DIAPH2: variants seen among roughly 807,000 people sequenced by gnomAD.
DIAPH2 encodes diaphanous related formin 2, also known as protein diaphanous homolog 2.
DIAPH2 carries 35 observed loss-of-function variants against 92.7 expected under a neutral mutation model. The ratio of observed to expected loss-of-function variants is 0.38; its 90% CI spans 0.29 to 0.50. The LOEUF is 0.50. Ranked by LOEUF, DIAPH2 falls within the 20% of genes least tolerant of loss-of-function variation. The pLI is 0.94. For synonymous variants in DIAPH2, 301 were observed against 280.4 expected (o/e 1.07, Z -0.73); for missense variants, 701 against 819.5 (o/e 0.86, Z 1.77).
chrX:96,963,176 T>C (rs2065875656), intron 16 of DIAPH2, among the ~76,000 whole-genome samples: 2 of 111,771 alleles, frequency 1.8e-5, no homozygotes, highest in Non-Finnish European at 3.8e-5. Context: ...CATTCTCTCT[T>C]GGCCTGTAGC....
chrX:97,434,564 G>A (rs1011357042), intron 26 of DIAPH2, among the ~76,000 whole-genome samples: 8 of 94,596 alleles, frequency 8.5e-5, no homozygotes, highest in East Asian at 3.8e-4. Flanking sequence ...ACACGCCACC[G>A]CACCCAGCTA....
chrX:97,263,882 C>G (rs1191262348), intron 23 of DIAPH2, among the ~76,000 whole-genome samples: 1 of 101,745 alleles, frequency 9.8e-6, no homozygotes, highest in Non-Finnish European at 2.1e-5. Context: ...CCACTGCGCC[C>G]AGCTCCAACT....
At chrX:96,889,949 A>G (rs375027783) in intron 5 of DIAPH2, among the ~76,000 whole-genome samples, 1 of 112,372 alleles carries the variant, frequency 8.9e-6, no homozygotes. Flanking sequence ...TGACCATTCA[A>G]AGGACTTTGG....
intron 26 of DIAPH2, among the ~76,000 whole-genome samples, chrX:97,574,946 G>A (rs897430744): frequency 8.9e-6 from 1 of 112,190 alleles, no homozygotes; most frequent in Non-Finnish European, 1.9e-5. Flanking sequence ...CATAAGGCCT[G>A]CACTAGAGCA....
At chrX:97,246,078 T>C (rs1303466706) in intron 22 of DIAPH2, among the ~76,000 whole-genome samples, 10 of 89,122 alleles carry the variant, frequency 1.1e-4, no homozygotes, top group Non-Finnish European at 1.8e-4. Context: ...AATTTTTGTA[T>C]TTTTTTTTTT....
At chrX:96,985,664 T>C (rs1364567361) in intron 17 of DIAPH2, among the ~76,000 whole-genome samples, 2 of 111,153 alleles carry the variant, frequency 1.8e-5, no homozygotes, top group Admixed American at 1.9e-4. Context: ...TTGATATGTG[T>C]ATTGATCATT....
At chrX:97,074,604 T>A (rs746462817) in intron 18 of DIAPH2, among the ~76,000 whole-genome samples, 1 of 111,812 alleles carries the variant, frequency 8.9e-6, no homozygotes, top group South Asian at 3.8e-4. Context: ...GCAGGGGAAA[T>A]TGTGAGTCAA....
chrX:96,893,607 TA>T (rs1032003290), intron 5 of DIAPH2, among the ~76,000 whole-genome samples: 2 of 111,911 alleles, frequency 1.8e-5, no homozygotes, highest in Non-Finnish European at 3.8e-5. Context: ...AGCCAAAAAG[TA>T]AAAAAATCAA....
At chrX:97,025,909 A>G (rs1447456622) in intron 17 of DIAPH2, among the ~76,000 whole-genome samples, 2 of 111,711 alleles carry the variant, frequency 1.8e-5, no homozygotes, top group African/African-American at 6.5e-5. Flanking sequence ...TCCTGTCTAA[A>G]TGTTGATATC....
chrX:96,709,044 T>C (rs892111298), intron 1 of DIAPH2, among the ~76,000 whole-genome samples: 9 of 112,234 alleles, frequency 8.0e-5, no homozygotes. Flanking sequence ...TAATGGCTTA[T>C]TTTAAGCAGT....
intron 4 of DIAPH2, among the ~76,000 whole-genome samples, chrX:96,768,204 A>G (rs1258438205): frequency 8.9e-6 from 1 of 112,614 alleles, no homozygotes; most frequent in Non-Finnish European, 1.9e-5. Flanking sequence ...TGATATGATT[A>G]CATATGATAG....
intron 1 of DIAPH2, among the ~76,000 whole-genome samples, chrX:96,703,051 A>G (rs2063864371): frequency 8.9e-6 from 1 of 111,945 alleles, no homozygotes; most frequent in African/African-American, 3.2e-5. Flanking sequence ...TAACTGCAAG[A>G]GAGCTAGGAA....
At chrX:96,713,970 C>T (rs947106942) in intron 1 of DIAPH2, among the ~76,000 whole-genome samples, 2 of 111,785 alleles carry the variant, frequency 1.8e-5, no homozygotes, top group Non-Finnish European at 3.8e-5. Flanking sequence ...TTTATGTGGA[C>T]ATAAGTTTTA....
intron 26 of DIAPH2, among the ~76,000 whole-genome samples, chrX:97,570,126 G>GA (rs1487173859): frequency 2.2e-3 from 15 of 6,782 alleles, no homozygotes; most frequent in Admixed American, 5.5e-3. Flanking sequence ...ATATATATTA[G>GA]AAGATAGATA....
chrX:97,469,225 C>T (rs1361318476), intron 26 of DIAPH2, among the ~76,000 whole-genome samples: 1 of 111,697 alleles, frequency 9.0e-6, no homozygotes. Flanking sequence ...TCCTAGCTGA[C>T]ACCTGGAAGA....
chrX:97,318,113 C>T (rs1231412389), intron 23 of DIAPH2, among the ~76,000 whole-genome samples: 1 of 111,756 alleles, frequency 8.9e-6, no homozygotes, highest in Non-Finnish European at 1.9e-5. Flanking sequence ...TTCCCCTCTC[C>T]AGTCTCAACC....
At chrX:97,388,690 G>A (rs2069624357) in intron 25 of DIAPH2, among the ~76,000 whole-genome samples, 1 of 111,352 alleles carries the variant, frequency 9.0e-6, no homozygotes, top group South Asian at 3.8e-4. Flanking sequence ...AATCATTGAG[G>A]ACCCCAAATG....
chrX:97,486,390 T>C (rs1280251262), intron 26 of DIAPH2, among the ~76,000 whole-genome samples: 36 of 111,920 alleles, frequency 3.2e-4, no homozygotes, highest in Non-Finnish European at 9.4e-5. Flanking sequence ...GTTCTCTAAG[T>C]ACTTTTTGGA....
chrX:97,196,725 G>A (rs1008475504), intron 22 of DIAPH2, among the ~76,000 whole-genome samples: 2 of 110,881 alleles, frequency 1.8e-5, no homozygotes, highest in Middle Eastern at 4.7e-3. Flanking sequence ...ATTTGCAGCT[G>A]GTACATATCT....
Sources: allele counts gnomAD v4.1 joint callset (sites outside exome capture counted in the v4.1 genomes callset), GRCh38; gene constraint gnomAD v4.1.1; transcripts MANE v1.5; gene names NCBI Gene and HGNC (gene_info 2026-07-23, HGNC 2026-07-21).